The following CHP1 variants were observed in gnomAD, a reference collection of about 807,000 sequenced individuals.
CHP1 encodes the protein calcineurin B homologous protein 1.
CHP1 carries 11 observed loss-of-function variants against 27.4 expected under a neutral mutation model. That is an observed-to-expected ratio of 0.40 (90% CI 0.25 to 0.67). The LOEUF is 0.67. Ranked by LOEUF, CHP1 falls within the 30% of genes least tolerant of loss-of-function variation. CHP1 has a pLI of 0.38. For missense variants in CHP1, 169 were observed against 251.3 expected (o/e 0.67, Z 2.22); for synonymous variants, 89 against 87.4 (o/e 1.02, Z -0.10).
chr15:41,238,424 A>G (rs2140922275), intron 1 of CHP1, among the ~76,000 whole-genome samples: 1 of 152,078 alleles, frequency 6.6e-6, no homozygotes, highest in East Asian at 1.9e-4. Flanking sequence ...TAGCCTCCCA[A>G]AGTGCTAGGA....
chr15:41,251,383 A>G (rs747708332), intron 2 of CHP1, among the ~76,000 whole-genome samples: 5 of 152,110 alleles, frequency 3.3e-5, no homozygotes, highest in Non-Finnish European at 7.4e-5. Context: ...ATATTTAAAG[A>G]AGAGAAACCA....
intron 4 of CHP1, among the ~76,000 whole-genome samples, chr15:41,266,231 C>T (rs1383496542): frequency 2.0e-5 from 3 of 151,792 alleles, no homozygotes; most frequent in East Asian, 3.9e-4. Context: ...TACAGTGAGC[C>T]GAGATCACGC....
At chr15:41,255,428 T>G (rs2047394461) in intron 2 of CHP1, among the ~76,000 whole-genome samples, 1 of 152,166 alleles carries the variant, frequency 6.6e-6, no homozygotes, top group African/African-American at 2.4e-5. Flanking sequence ...ATCCCAGGAC[T>G]TTGGGAGGCT....
intron 5 of CHP1, among the ~76,000 whole-genome samples, chr15:41,274,651 C>T (rs559249100): frequency 6.6e-6 from 1 of 151,994 alleles, no homozygotes; most frequent in Non-Finnish European, 1.5e-5. Flanking sequence ...TTTTCTAATT[C>T]TACAAATAAA....
At chr15:41,240,740 C>T (rs1442019792) in intron 1 of CHP1, among the ~76,000 whole-genome samples, 3 of 121,726 alleles carry the variant, frequency 2.5e-5, no homozygotes, top group African/African-American at 3.2e-5. Flanking sequence ...GCAAGAAGAG[C>T]GAAACTCTAT....
At chr15:41,260,583 C>T (rs1292940241) in intron 3 of CHP1, among the ~76,000 whole-genome samples, 2 of 151,346 alleles carry the variant, frequency 1.3e-5, no homozygotes, top group African/African-American at 4.9e-5. Context: ...TTAGTAGAGA[C>T]GGGGTTTCAC....
At chr15:41,242,231 A>G (rs942110090) in intron 1 of CHP1, among the ~76,000 whole-genome samples, 8 of 152,208 alleles carry the variant, frequency 5.3e-5, no homozygotes, top group South Asian at 2.1e-4. Flanking sequence ...AGCTCATGCC[A>G]TCACAGAAAA....
At chr15:41,253,426 T>TTTACTTAC (rs202140339) in intron 2 of CHP1, among the ~76,000 whole-genome samples, 2 of 34,730 alleles carry the variant, frequency 5.8e-5, no homozygotes, top group African/African-American at 2.0e-4. Flanking sequence ...TGACAAAGTA[T>TTTACTTAC]TTATTTATTT....
intron 1 of CHP1, among the ~76,000 whole-genome samples, chr15:41,234,515 A>AGT (rs2047267410): frequency 2.0e-5 from 3 of 152,202 alleles, no homozygotes; most frequent in Admixed American, 1.3e-4. Context: ...GTGCATTGGA[A>AGT]TTTGATGATT....
chr15:41,250,644 A>T (rs187379511), intron 2 of CHP1, among the ~76,000 whole-genome samples: 1 of 122,534 alleles, frequency 8.2e-6, no homozygotes, highest in Non-Finnish European at 1.6e-5. Context: ...AACAAAATCC[A>T]GGTGAGGTTT....
chr15:41,243,546 T>G, intron 1 of CHP1, 121 bp from the exon 2 acceptor site: 1 of 661,906 alleles, frequency 1.5e-6, no homozygotes, highest in East Asian at 2.7e-5. Flanking sequence ...TTTAACATTC[T>G]AGAGATAAGA....
chr15:41,262,104 G>A (rs1388464468), intron 3 of CHP1, among the ~76,000 whole-genome samples: 2 of 152,030 alleles, frequency 1.3e-5, no homozygotes, highest in East Asian at 1.9e-4. Context: ...GGGAGGCGGA[G>A]GTTGCAGTGA....
At chr15:41,243,518 A>T in intron 1 of CHP1, 149 bp from the exon 2 acceptor site, 1 of 590,828 alleles carries the variant, frequency 1.7e-6, no homozygotes. Context: ...TTCATTCTTT[A>T]GCTTTTAAAC....
intron 1 of CHP1, among the ~76,000 whole-genome samples, chr15:41,232,784 C>G (rs956642124): frequency 3.3e-5 from 5 of 152,110 alleles, no homozygotes; most frequent in African/African-American, 1.2e-4. Flanking sequence ...TAACTCACTC[C>G]GGCCCATATG....
chr15:41,274,382 C>G (rs2047508295), intron 5 of CHP1, among the ~76,000 whole-genome samples: 1 of 152,194 alleles, frequency 6.6e-6, no homozygotes, highest in Non-Finnish European at 1.5e-5. Flanking sequence ...CAAGCCACCT[C>G]TGGGCTGTTT....
chr15:41,277,911 G>A (rs1325520727), intron 5 of CHP1, among the ~76,000 whole-genome samples: 2 of 151,636 alleles, frequency 1.3e-5, no homozygotes, highest in African/African-American at 4.9e-5. Flanking sequence ...AGCCACATTC[G>A]CAACCCAGCA....
At chr15:41,236,450 T>C (rs2083238) in intron 1 of CHP1, among the ~76,000 whole-genome samples, 15,900 of 151,158 alleles carry the variant, frequency 0.11, 1,169 homozygotes, top group African/African-American at 0.2. Context: ...TTTGTAGAGA[T>C]AGGGTTTCAC....
chr15:41,252,121 T>C (rs1204090218), intron 2 of CHP1, among the ~76,000 whole-genome samples: 1 of 152,006 alleles, frequency 6.6e-6, no homozygotes, highest in Admixed American at 6.6e-5. Context: ...TTAATAAATA[T>C]GTTGTACCAT....
intron 2 of CHP1, 186 bp from the exon 3 acceptor site, chr15:41,256,724 G>A (rs77172507): frequency 1.7e-6 from 1 of 592,544 alleles, no homozygotes; most frequent in East Asian, 3.0e-5. Flanking sequence ...CCACTTCTGA[G>A]TTGGTGCAAG....
Sources: allele counts gnomAD v4.1 joint callset (sites outside exome capture counted in the v4.1 genomes callset), GRCh38; gene constraint gnomAD v4.1.1; transcripts MANE v1.5; gene names NCBI Gene and HGNC (gene_info 2026-07-23, HGNC 2026-07-21).